The following CCDC178 variants were observed in gnomAD, a reference collection of about 807,000 sequenced individuals.
CCDC178 encodes coiled-coil domain-containing protein 178.
Under a neutral mutation model 117.4 loss-of-function variants are expected in CCDC178, and 126 were observed. That is an observed-to-expected ratio of 1.07 (90% confidence interval 0.93 to 1.24). The LOEUF (loss-of-function observed/expected upper bound fraction) is 1.24, where lower values mean the gene tolerates loss of function less well. CCDC178 is among the 50% of genes most tolerant of loss of function. CCDC178 has a pLI of 0.00. For missense variants in CCDC178, 1,030 were observed against 986.9 expected, an observed-to-expected ratio of 1.04 and a Z score of -0.59; for synonymous variants, 283 against 313.4, an observed-to-expected ratio of 0.90 and a Z score of 1.02.
intron 21 of CCDC178, among the ~76,000 whole-genome samples, chr18:32,981,990 C>T (rs989834455): frequency 6.6e-6 from 1 of 152,048 alleles, no homozygotes; most frequent in Non-Finnish European, 1.5e-5. Context: ...AATATATTAA[C>T]CTTAATAAAC....
chr18:32,979,909 T>C (rs1207044273), intron 21 of CCDC178, among the ~76,000 whole-genome samples: 1 of 152,146 alleles, frequency 6.6e-6, no homozygotes, highest in Non-Finnish European at 1.5e-5. Context: ...AACAGACACA[T>C]GCATATAAAA....
intron 21 of CCDC178, among the ~76,000 whole-genome samples, chr18:33,054,393 C>A (rs560171007): frequency 4.6e-4 from 70 of 152,280 alleles, no homozygotes; most frequent in African/African-American, 1.6e-3. Flanking sequence ...GCCCAGCATC[C>A]ATTAGTTATT....
At chr18:33,311,295 G>C (rs1457600471) in intron 11 of CCDC178, among the ~76,000 whole-genome samples, 1 of 152,194 alleles carries the variant, frequency 6.6e-6, no homozygotes, top group African/African-American at 2.4e-5. Context: ...TCAGACATTA[G>C]ACATAAACTC....
intron 12 of CCDC178, among the ~76,000 whole-genome samples, chr18:33,280,161 A>G (rs1273859063): frequency 1.3e-5 from 2 of 151,968 alleles, no homozygotes; most frequent in South Asian, 2.1e-4. Flanking sequence ...CAGAGTGCAC[A>G]GGCAACCTAC....
At chr18:33,087,008 AC>A (rs1191655632) in intron 21 of CCDC178, among the ~76,000 whole-genome samples, 6 of 147,948 alleles carry the variant, frequency 4.1e-5, no homozygotes, top group African/African-American at 1.5e-4. Context: ...ACACACACAC[AC>A]ACACAACAAA....
intron 21 of CCDC178, among the ~76,000 whole-genome samples, chr18:33,030,426 TTA>T (rs2056313498): frequency 6.6e-6 from 1 of 152,048 alleles, no homozygotes; most frequent in Non-Finnish European, 1.5e-5. Context: ...ATTTCTGTCT[TTA>T]GATTAGATTG....
At chr18:33,147,141 C>CTTTT (rs963180337) in intron 20 of CCDC178, among the ~76,000 whole-genome samples, 2 of 117,386 alleles carry the variant, frequency 1.7e-5, no homozygotes, top group African/African-American at 3.2e-5. Context: ...TAGCTGATTT[C>CTTTT]TTTTTTTTTT....
chr18:33,190,574 G>A (rs76562228), intron 20 of CCDC178, among the ~76,000 whole-genome samples: 5 of 152,130 alleles, frequency 3.3e-5, no homozygotes, highest in African/African-American at 1.2e-4. Flanking sequence ...AATGAAAAAA[G>A]CTTATACATT....
chr18:33,310,737 A>G (rs2144950631), intron 11 of CCDC178, among the ~76,000 whole-genome samples: 1 of 152,316 alleles, frequency 6.6e-6, no homozygotes, highest in South Asian at 2.1e-4. Context: ...ATGTTAAAAT[A>G]ATATTTTCTT....
chr18:33,163,117 T>C (rs1233075110), intron 20 of CCDC178, among the ~76,000 whole-genome samples: 1 of 152,208 alleles, frequency 6.6e-6, no homozygotes, highest in Non-Finnish European at 1.5e-5. Flanking sequence ...TTTTTAATAA[T>C]TGCCATTCTG....
chr18:32,984,931 G>A (rs994501697), intron 21 of CCDC178, among the ~76,000 whole-genome samples: 1 of 151,820 alleles, frequency 6.6e-6, no homozygotes, highest in African/African-American at 2.4e-5. Context: ...AATGGTCTAA[G>A]TTGGCACTTT....
intron 21 of CCDC178, among the ~76,000 whole-genome samples, chr18:33,011,829 C>T (rs1337151585): frequency 1.6e-5 from 2 of 125,776 alleles, no homozygotes; most frequent in African/African-American, 5.9e-5. Context: ...AGTGATGAGT[C>T]TCCTGGGCTC....
At chr18:33,244,057 C>A (rs1224633981) in intron 15 of CCDC178, among the ~76,000 whole-genome samples, 1 of 151,932 alleles carries the variant, frequency 6.6e-6, no homozygotes, top group Non-Finnish European at 1.5e-5. Flanking sequence ...CCATTCAACA[C>A]CCATTAGGAG....
chr18:33,387,275 A>G (rs945636705), intron 5 of CCDC178, among the ~76,000 whole-genome samples: 2 of 152,196 alleles, frequency 1.3e-5, no homozygotes, highest in African/African-American at 4.8e-5. Context: ...GAAAATGACC[A>G]TAGTTCCCAA....
chr18:33,099,391 T>C (rs989672383), intron 20 of CCDC178, among the ~76,000 whole-genome samples: 4 of 151,954 alleles, frequency 2.6e-5, no homozygotes, highest in Admixed American at 2.0e-4. Context: ...ACTGGAATGA[T>C]AGTTTTGCAT....
At chr18:33,283,235 C>T (rs2060047545) in intron 12 of CCDC178, among the ~76,000 whole-genome samples, 1 of 152,048 alleles carries the variant, frequency 6.6e-6, no homozygotes, top group Non-Finnish European at 1.5e-5. Context: ...CTGGCCCCCT[C>T]AAATCTCCCA....
At chr18:33,438,024 G>T (rs1422411374) in intron 2 of CCDC178, among the ~76,000 whole-genome samples, 1 of 152,070 alleles carries the variant, frequency 6.6e-6, no homozygotes, top group East Asian at 1.9e-4. Context: ...TATGAACATT[G>T]ACTGAAAATA....
At chr18:33,025,741 A>G (rs1356728210) in intron 21 of CCDC178, among the ~76,000 whole-genome samples, 4 of 152,210 alleles carry the variant, frequency 2.6e-5, no homozygotes, top group African/African-American at 9.6e-5. Context: ...AATGGTGGTA[A>G]GGATGTAAAG....
chr18:33,381,428 T>C (rs2063437951), intron 5 of CCDC178, among the ~76,000 whole-genome samples: 1 of 152,194 alleles, frequency 6.6e-6, no homozygotes, highest in African/African-American at 2.4e-5. Context: ...GTTAATAGTC[T>C]TGAGCCTGAA....
Sources: gnomAD v4.1 joint callset for allele counts (sites outside exome capture counted in the v4.1 genomes callset) on GRCh38, gnomAD v4.1.1 for gene constraint, MANE v1.5 for transcripts, NCBI Gene and HGNC (gene_info 2026-07-23, HGNC 2026-07-21) for gene names.